The following PCDHGB4 variants were observed in gnomAD, a reference collection of about 807,000 sequenced individuals.
The protein encoded by PCDHGB4 is protocadherin gamma subfamily B, 4.
A neutral mutation model predicts 60.5 loss-of-function variants in PCDHGB4; 38 were observed. The observed-to-expected ratio is 0.63, with a 90% confidence interval of 0.48 to 0.82. PCDHGB4 has a LOEUF of 0.82. Among genes scored for constraint, PCDHGB4 ranks in the 40% least tolerant of loss-of-function variants. The pLI, the probability that PCDHGB4 is intolerant of heterozygous loss-of-function variation, is 0.00. For synonymous variants in PCDHGB4, 456 were observed against 509.7 expected (o/e 0.89, Z 1.42); for missense variants, 1,109 against 1,209.6 (o/e 0.92, Z 1.23).
Position 141,493,891 on chromosome 5 carries a change from G to A in PCDHGB4, c.2398-916G>A, listed in dbSNP as rs1595204910. On this transcript the variant is annotated intron_variant, in intron 1 of 3. Transcript: ENST00000519479. The surrounding 1 kb of genome is among the most constrained non-coding windows in gnomAD (Gnocchi z 4.3). ...CCAGTGAGGAGGTGGCTCTAGGAGT[G>A]CTCCATGAGAGTGTGTGATGGGATA... Among the ~76,000 whole-genome samples, 1 of 152,300 alleles carries A rather than the reference G, an allele frequency of 6.6e-6. No homozygotes were observed. The highest frequency in any genetic ancestry group is 1.5e-5 in the Non-Finnish European group (1 of 68,018).
Position 141,388,164 on chromosome 5 carries a change from G to A in PCDHGB4, c.280G>A (p.Glu94Lys), listed in dbSNP as rs372819071. 487 of 1,478,548 alleles carry A rather than the reference G, an allele frequency of 3.3e-4. No homozygotes were observed. The highest frequency in any genetic ancestry group is 4.3e-4 in the Non-Finnish European group (458 of 1,069,378). 91.6% of individuals were successfully genotyped at this position (1,478,548 alleles called of 1,614,324 possible). A position where few individuals can be genotyped will look rare whatever the true frequency, so the allele number is the denominator to read the frequency against. Residue 94 changes from glutamate (E) to lysine (K), a missense_variant, in exon 1 of 4, where the codon GAG (glutamate) becomes AAG (lysine). By Grantham distance (56) the Glu-to-Lys change is moderately conservative. This residue lies in a region of PCDHGB4 where 1,068 missense variants were observed against 1,089.9 expected (regional missense o/e 0.98). Coordinates refer to ENST00000519479, the MANE Select transcript of PCDHGB4 (RefSeq NM_003736.4). ...TGTGAGCAGCAGGCTAGACAGGGAG[G>A]AGATATGCGGGAAGAAGCCAGCTTG... ...LLVSSRLDRE[E>K]ICGKKPACAL...
intron 1 of PCDHGB4, among the ~76,000 whole-genome samples, chr5:141,482,811 C>T (rs1397161943): frequency 2.0e-5 from 3 of 152,164 alleles, no homozygotes; most frequent in Non-Finnish European, 4.4e-5. Context: ...GTGGCTCATG[C>T]CTGTAATCCT....
At position 141,505,417 on chromosome 5, in the gene PCDHGB4, C is replaced by T; in HGVS notation, c.2481C>T (p.Gly827=). The change falls in exon 3 of 4, where the codon GGC becomes GGT. Residue 827 remains glycine, a synonymous_variant. Coordinates refer to ENST00000519479, the MANE Select transcript of PCDHGB4 (RefSeq NM_003736.4). ...TSGSQNGDDT[G]TWPNNQFDTE... is the part of the protein sequence containing the mutation. ...GCTCCCAAAATGGCGATGACACCGG[C>T]ACCTGGCCCAACAACCAGTTTGACA... 1 of 1,614,212 alleles carries T rather than the reference C, an allele frequency of 6.2e-7. No individual in the cohort carries two copies. Among genetic ancestry groups the T allele is most frequent in the Non-Finnish European group, 8.5e-7 (1 of 1,180,024 alleles).
rs146372628 is a variant in PCDHGB4, at chr5:141,476,246, G to A, written c.2398-18561G>A. On this transcript the variant is annotated intron_variant, in intron 1 of 3. Coordinates refer to ENST00000519479, the MANE Select transcript of PCDHGB4 (RefSeq NM_003736.4). The surrounding 1 kb of genome is among the most constrained non-coding windows in gnomAD (Gnocchi z 7.6). ...TGAGATCCCGGAGGAAAGAGAGAAG[G>A]GTTTCGCTGTGGGCAACGTGGTCGC... 1.0e-3 allele frequency: 1,689 copies of A among 1,613,996 alleles called. 1 individual carries two copies. Among genetic ancestry groups the A allele is most frequent in the Non-Finnish European group, 1.3e-3 (1,557 of 1,180,008 alleles).
rs866649962 is a variant in PCDHGB4 at position 141,482,106 on chromosome 5, T to A, written c.2398-12701T>A. Reference sequence around the variant, plus strand: ...CTCCATCTCAAAAAAAAAAAAAAAATATCTAGAGATGGGAGAATCATATGG... The same window carrying A: ...CTCCATCTCAAAAAAAAAAAAAAAAAATCTAGAGATGGGAGAATCATATGG... On this transcript the variant is annotated intron_variant, in intron 1 of 3. Transcript: ENST00000519479. 2.5e-3 allele frequency among the ~76,000 whole-genome samples: 342 copies of A among 138,882 alleles called. 1 individual carries two copies. Among genetic ancestry groups the A allele is most frequent in the Middle Eastern group, 0.011 (3 of 272 alleles). 91.1% of individuals were successfully genotyped at this position (138,882 alleles called of 152,430 possible). A position where few individuals can be genotyped will look rare whatever the true frequency, so the allele number is the denominator to read the frequency against.
chr5:141,423,116 C>T (rs374000303), intron 1 of PCDHGB4: 210 of 1,613,682 alleles, frequency 1.3e-4, no homozygotes, highest in Middle Eastern at 4.9e-4. Context: ...GTGCGTACAG[C>T]GCGGGCACTG....
chr5:141,509,864 A>G (rs2099878667), intron 3 of PCDHGB4, among the ~76,000 whole-genome samples: 1 of 152,262 alleles, frequency 6.6e-6, no homozygotes, highest in East Asian at 1.9e-4. Context: ...GATAAGGTCC[A>G]AGCTGCTGGT....
At chr5:141,435,383 G>C (rs1057246190) in intron 1 of PCDHGB4, among the ~76,000 whole-genome samples, 4 of 151,898 alleles carry the variant, frequency 2.6e-5, no homozygotes, top group Admixed American at 2.0e-4. Flanking sequence ...ACAATATACC[G>C]TATTGCCATG....
chr5:141,419,217 G>A (rs1407588828), intron 1 of PCDHGB4: 1 of 1,613,936 alleles, frequency 6.2e-7, no homozygotes, highest in Admixed American at 1.7e-5. Context: ...CCGGTTTTCG[G>A]ACAGTCAGCC....
Position 141,404,829 on chromosome 5 carries a change from T to C in PCDHGB4, c.2397+14548T>C. Reference sequence around the variant, plus strand: ...TCGGTGGGGCTGCACACAGGTGAAGTGCGCACAGCTCGGGCCCTGCTAGAT... The same window carrying C: ...TCGGTGGGGCTGCACACAGGTGAAGCGCGCACAGCTCGGGCCCTGCTAGAT... On this transcript the variant is annotated intron_variant, in intron 1 of 3. Transcript: ENST00000519479. 1.9e-6 allele frequency: 3 copies of C among 1,608,020 alleles called. No individual in the cohort carries two copies. The South Asian group carries it at 3.3e-5, about 18-fold the overall frequency.
intron 1 of PCDHGB4, chr5:141,414,532 C>T (rs747661760): frequency 1.9e-6 from 3 of 1,613,930 alleles, no homozygotes; most frequent in Admixed American, 3.3e-5. Flanking sequence ...CAATGACAAC[C>T]CACCTACCTT....
intron 1 of PCDHGB4, chr5:141,441,477 C>T (rs529495102): frequency 1.2e-4 from 20 of 170,782 alleles, no homozygotes; most frequent in Middle Eastern, 5.7e-4. Context: ...ATGCCAACGA[C>T]AATGCTCTGG....
intron 1 of PCDHGB4, chr5:141,394,094 A>G (rs759909698): frequency 6.2e-7 from 1 of 1,613,934 alleles, no homozygotes; most frequent in Admixed American, 1.7e-5. Context: ...CCTCAGATCT[A>G]GGAACACCAC....
At chr5:141,495,274 G>A (rs1396412578) in intron 2 of PCDHGB4, among the ~76,000 whole-genome samples, 1 of 152,190 alleles carries the variant, frequency 6.6e-6, no homozygotes, top group Non-Finnish European at 1.5e-5. Context: ...TTGACCGGAG[G>A]AGGCGGTCCG....
chr5:141,413,573 A>G (rs375156046), intron 1 of PCDHGB4: 12 of 1,613,768 alleles, frequency 7.4e-6, no homozygotes, highest in South Asian at 4.4e-5. Context: ...ATCAATGACA[A>G]TGCTCCAAAA....
At chr5:141,409,067 A>G (rs2095219315) in intron 1 of PCDHGB4, 2 of 1,614,034 alleles carry the variant, frequency 1.2e-6, no homozygotes, top group South Asian at 2.2e-5. Context: ...CCAGAGCACA[A>G]AACATATGTT....
At chr5:141,393,494 C>T (rs750216965) in intron 1 of PCDHGB4, 16 of 1,613,946 alleles carry the variant, frequency 9.9e-6, no homozygotes, top group Non-Finnish European at 1.3e-5. Flanking sequence ...GCACAGTGCG[C>T]ATCCACGTGA....
intron 1 of PCDHGB4, chr5:141,414,815 G>T (rs1437985019): frequency 2.2e-5 from 35 of 1,614,236 alleles, no homozygotes; most frequent in Non-Finnish European, 2.9e-5. Flanking sequence ...CCTCCACTCA[G>T]CAGCAACGTG....
chr5:141,403,762 T>G (rs1217388200), intron 1 of PCDHGB4: 1 of 1,613,854 alleles, frequency 6.2e-7, no homozygotes, highest in Non-Finnish European at 8.5e-7. Flanking sequence ...GCGACCTGGA[T>G]GAGGGAATCA....
Sources: gnomAD v4.1 joint callset for allele counts (sites outside exome capture counted in the v4.1 genomes callset) on GRCh38, gnomAD v4.1.1 for gene constraint, gnomAD v4.1.1 regional missense constraint, Gnocchi (gnomAD v3.1) non-coding constraint, MANE v1.5 for transcripts, NCBI Gene and HGNC (gene_info 2026-07-23, HGNC 2026-07-21) for gene names.